The following CALN1 variants were observed in gnomAD, a reference collection of about 807,000 sequenced individuals.
The protein encoded by CALN1 is calcium-binding protein 8.
In CALN1, 17 loss-of-function variants were observed where a neutral mutation model predicts 30.6. The ratio of observed to expected loss-of-function variants is 0.56; its 90% confidence interval spans 0.38 to 0.83. The LOEUF (loss-of-function observed/expected upper bound fraction) is 0.83, where lower values mean the gene tolerates loss of function less well. Ranked by LOEUF, CALN1 falls within the 40% of genes least tolerant of loss-of-function variation. The pLI is 0.00. For missense variants in CALN1, 291 were observed against 354.9 expected (o/e 0.82, Z 1.45); for synonymous variants, 156 against 131.4 (o/e 1.19, Z -1.28).
the CALN1 span, among the ~76,000 whole-genome samples, chr7:72,495,847 CT>C: frequency 1.3e-5 from 2 of 152,140 alleles, no homozygotes; most frequent in Non-Finnish European, 2.9e-5. Context: ...ATTAAAATTG[CT>C]TCTATAGATT....
intron 4 of CALN1, among the ~76,000 whole-genome samples, chr7:72,098,335 T>C (rs1172089509): frequency 6.6e-6 from 1 of 152,092 alleles, no homozygotes; most frequent in African/African-American, 2.4e-5. Flanking sequence ...TTCCAAGAAA[T>C]AACTTTTGCA....
intron 5 of CALN1, among the ~76,000 whole-genome samples, chr7:71,849,064 G>A (rs1174972576): frequency 4.6e-5 from 7 of 152,002 alleles, no homozygotes; most frequent in African/African-American, 9.7e-5. Flanking sequence ...TTCTGGATAC[G>A]GGTGTCTTAA....
chr7:71,922,648 TTATA>T (rs1186012179), intron 5 of CALN1, among the ~76,000 whole-genome samples: 8 of 138,044 alleles, frequency 5.8e-5, no homozygotes, highest in African/African-American at 1.6e-4. Flanking sequence ...ACAGAATATA[TTATA>T]TATAAATATA....
At chr7:71,899,631 T>C (rs968522963) in intron 5 of CALN1, among the ~76,000 whole-genome samples, 5 of 152,326 alleles carry the variant, frequency 3.3e-5, no homozygotes, top group African/African-American at 4.8e-5. Flanking sequence ...ATCTTGATGA[T>C]ATTTATTTTG....
chr7:72,047,765 C>T lies in CALN1; in HGVS notation c.389-23996G>A, dbSNP rs545012367. On this transcript the variant is annotated intron_variant, in intron 4 of 6. Coordinates refer to ENST00000395275, the MANE Select transcript of CALN1 (RefSeq NM_031468.4). ...CCCATGACGTGGCAGCCATCGTGCT[C>T]GGCCTTGGGGATACTGCAGTGAACA... Among the ~76,000 whole-genome samples the T allele has an allele frequency of 8.5e-4, 130 of 152,238 alleles. No individual in the cohort carries two copies. The South Asian group carries it at 0.024, about 28-fold the overall frequency.
At chr7:72,356,837 T>C (rs1268370517) in intron 2 of CALN1, among the ~76,000 whole-genome samples, 2 of 152,022 alleles carry the variant, frequency 1.3e-5, no homozygotes, top group Non-Finnish European at 2.9e-5. Context: ...TCTGGGCATG[T>C]TGAAACGGAT....
intron 5 of CALN1, among the ~76,000 whole-genome samples, chr7:71,940,386 C>T (rs370678486): frequency 4.6e-5 from 7 of 152,282 alleles, no homozygotes; most frequent in African/African-American, 1.4e-4. Flanking sequence ...GTGAGTACCA[C>T]GATCTCAATG....
chr7:72,211,965 G>A lies in CALN1; in HGVS notation c.244+66721C>T, dbSNP rs573048837. The stretch of plus-strand genomic sequence containing the variant: ...CTGTTTCATGTAAGACTTAAGACCC[G>A]ACTCGTAATAGATGCTTGATGAATA... On this transcript the variant is annotated intron_variant, in intron 3 of 6. Coordinates refer to ENST00000395275, the MANE Select transcript of CALN1 (RefSeq NM_031468.4). 3.3e-5 allele frequency among the ~76,000 whole-genome samples: 5 copies of A among 152,248 alleles called. No homozygotes were observed. The South Asian group carries it at 8.3e-4, about 25-fold the overall frequency.
chr7:72,108,888 A>G (rs2129541437), intron 3 of CALN1, among the ~76,000 whole-genome samples: 1 of 152,332 alleles, frequency 6.6e-6, no homozygotes, highest in East Asian at 1.9e-4. Context: ...GCAAAACACC[A>G]AACCAGGGGT....
chr7:72,143,623 A>T (rs1379434209), intron 3 of CALN1, among the ~76,000 whole-genome samples: 2 of 152,286 alleles, frequency 1.3e-5, no homozygotes, highest in South Asian at 2.1e-4. Context: ...AAATACAGAG[A>T]ACGCTACAAA....
chr7:71,816,061 A>T (rs1490689830), intron 5 of CALN1, among the ~76,000 whole-genome samples: 2 of 149,734 alleles, frequency 1.3e-5, no homozygotes, highest in Non-Finnish European at 3.0e-5. Context: ...TTACAGAGAG[A>T]GTCTTGCTAT....
rs540666923 is a variant in CALN1, at chr7:72,123,760, T to C, written c.245-17466A>G. On this transcript the variant is annotated intron_variant, in intron 3 of 6. Transcript: ENST00000395275. ...GATAAAGAGCTGACTATGAAGGAAA[T>C]TGTTCTCCACTGCAGGGTGCATAAA... is the stretch of plus-strand genomic sequence containing the variant. 1.7e-3 allele frequency among the ~76,000 whole-genome samples: 263 copies of C among 152,304 alleles called. 1 individual carries two copies. The highest frequency in any genetic ancestry group is 6.1e-3 in the African/African-American group (252 of 41,570).
chr7:72,450,548 C>T (rs1808638879), upstream of CALN1, among the ~76,000 whole-genome samples: 1 of 152,178 alleles, frequency 6.6e-6, no homozygotes, highest in African/African-American at 2.4e-5. Context: ...CTACGTCCTC[C>T]TCAAATCTTT....
chr7:72,143,605 A>C (rs567273093), intron 3 of CALN1, among the ~76,000 whole-genome samples: 1 of 152,238 alleles, frequency 6.6e-6, no homozygotes, highest in Middle Eastern at 3.4e-3. Context: ...CCAACATTCA[A>C]ATTCAGGAAA....
chr7:72,357,431 A>T (rs1803299506), intron 2 of CALN1, among the ~76,000 whole-genome samples: 1 of 151,954 alleles, frequency 6.6e-6, no homozygotes, highest in African/African-American at 2.4e-5. Context: ...AAGGGATTCG[A>T]TTGGAAATAA....
At chr7:72,149,160 T>C (rs531863891) in intron 3 of CALN1, among the ~76,000 whole-genome samples, 10 of 152,090 alleles carry the variant, frequency 6.6e-5, no homozygotes, top group Admixed American at 6.5e-4. Flanking sequence ...TGCAGAACCA[T>C]GAGCCAAATA....
intron 5 of CALN1, among the ~76,000 whole-genome samples, chr7:71,910,021 T>C (rs1794343788): frequency 6.6e-6 from 1 of 152,126 alleles, no homozygotes; most frequent in African/African-American, 2.4e-5. Flanking sequence ...GCAAGAGAGC[T>C]TTGCAAGGGA....
At chr7:72,198,793 T>C (rs1230235438) in intron 3 of CALN1, among the ~76,000 whole-genome samples, 1 of 152,194 alleles carries the variant, frequency 6.6e-6, no homozygotes, top group African/African-American at 2.4e-5. Context: ...ATGGGTGCCC[T>C]AGGACCACAG....
At chr7:72,064,431 T>C (rs986827524) in intron 4 of CALN1, among the ~76,000 whole-genome samples, 5 of 152,166 alleles carry the variant, frequency 3.3e-5, no homozygotes, top group African/African-American at 1.2e-4. Flanking sequence ...GCAAAACTAA[T>C]CACTTTTGGC....
Sources: gnomAD v4.1 joint callset for allele counts (sites outside exome capture counted in the v4.1 genomes callset) on GRCh38, gnomAD v4.1.1 for gene constraint, MANE v1.5 for transcripts, NCBI Gene and HGNC (gene_info 2026-07-23, HGNC 2026-07-21) for gene names.